Variants in AGPAT4 observed in about 807,000 individuals in gnomAD.
AGPAT4 encodes 1-acylglycerol-3-phosphate O-acyltransferase 4, also known as 1-acyl-sn-glycerol-3-phosphate acyltransferase delta.
Under a neutral mutation model 48.0 loss-of-function variants are expected in AGPAT4, and 15 were observed. The ratio of observed to expected loss-of-function variants is 0.31; its 90% CI spans 0.21 to 0.48. The LOEUF (loss-of-function observed/expected upper bound fraction) is 0.48, where lower values mean the gene tolerates loss of function less well. Ranked by LOEUF, AGPAT4 falls within the 20% of genes least tolerant of loss-of-function variation. The pLI, the probability that AGPAT4 is intolerant of heterozygous loss-of-function variation, is 0.99. For missense variants in AGPAT4, 314 were observed against 482.5 expected (o/e 0.65, Z 3.27); for synonymous variants, 178 against 198.7 (o/e 0.90, Z 0.88).
At chr6:161,263,342 T>G (rs545373154) in intron 1 of AGPAT4, among the ~76,000 whole-genome samples, 49 of 152,094 alleles carry the variant, frequency 3.2e-4, no homozygotes, top group African/African-American at 7.7e-4. Context: ...ATACAAAAAA[T>G]TAGCTGGGTG....
At position 161,261,369 on chromosome 6, in the gene AGPAT4, G is replaced by A. The variant is rs1310640699; in HGVS notation, c.-90+12569C>T. ...TTCGTGTGTATATCTGCCATCCCACGAAGCAGGCTTCCTCAGGAGCTGAGT... is the reference window on the plus strand; with the variant it reads ...TTCGTGTGTATATCTGCCATCCCACAAAGCAGGCTTCCTCAGGAGCTGAGT... On this transcript the variant is annotated intron_variant, in intron 1 of 8. Transcript: ENST00000320285. This position sits in a 1 kb window ranked among gnomAD's most constrained non-coding sequence, Gnocchi z 5.3. 6.6e-6 allele frequency among the ~76,000 whole-genome samples: 1 copy of A among 152,192 alleles called. No individual in the cohort carries two copies. Among genetic ancestry groups the A allele is most frequent in the East Asian group, 1.9e-4 (1 of 5,186 alleles).
intron 2 of AGPAT4, among the ~76,000 whole-genome samples, chr6:161,192,800 T>G (rs1280460366): frequency 2.6e-5 from 4 of 152,238 alleles, no homozygotes; most frequent in Non-Finnish European, 5.9e-5. Flanking sequence ...AGACTAGAAC[T>G]TCTTTTTCTT....
In AGPAT4 at chr6:161,200,469, C is replaced by A. The variant is rs1781210352; in HGVS notation, c.178+31567G>T. The stretch of plus-strand genomic sequence containing the variant: ...TCCTAATTATCTATGAGAAGGCCTG[C>A]ACTCTCTGGCTTCTTCCATTTCCAC... On this transcript the variant is annotated intron_variant, in intron 2 of 8. Transcript: ENST00000320285. This position sits in a 1 kb window ranked among gnomAD's most constrained non-coding sequence, Gnocchi z 5.5. 6.6e-6 allele frequency among the ~76,000 whole-genome samples: 1 copy of A among 152,190 alleles called. No individual in the cohort carries two copies. Among genetic ancestry groups the A allele is most frequent in the Non-Finnish European group, 1.5e-5 (1 of 68,028 alleles).
At position 161,165,546 on chromosome 6, in the gene AGPAT4, C is replaced by T; in HGVS notation, c.348+702G>A. On this transcript the variant is annotated intron_variant, in intron 3 of 8. Coordinates refer to ENST00000320285, the MANE Select transcript of AGPAT4 (RefSeq NM_020133.3). The surrounding 1 kb of genome is among the most constrained non-coding windows in gnomAD (Gnocchi z 5.5). ...CCTTTCCTAGCCCCAGACCAATGTACACTGTGTACACTGTGATTCCTACGG... is the reference window on the plus strand; with the variant it reads ...CCTTTCCTAGCCCCAGACCAATGTATACTGTGTACACTGTGATTCCTACGG... 1 of 1,256,570 alleles carries T rather than the reference C, an allele frequency of 8.0e-7. No homozygotes were observed. The highest frequency in any genetic ancestry group is 1.0e-6 in the Non-Finnish European group (1 of 967,172). 77.8% of individuals were successfully genotyped at this position (1,256,570 alleles called of 1,614,324 possible).
At chr6:161,182,027 G>A (rs1780612574) in intron 2 of AGPAT4, among the ~76,000 whole-genome samples, 1 of 152,120 alleles carries the variant, frequency 6.6e-6, no homozygotes, top group South Asian at 2.1e-4. Context: ...AGGTTCCTTA[G>A]AGGGGAAATG....
chr6:161,146,588 A>C lies in AGPAT4; in HGVS notation c.779T>G (p.Leu260Arg). 3 of 1,614,148 alleles carry C rather than the reference A, an allele frequency of 1.9e-6. No individual in the cohort carries two copies. Among genetic ancestry groups the C allele is most frequent in the Non-Finnish European group, 2.5e-6 (3 of 1,180,016 alleles). Residue 260 changes from leucine to arginine, a missense_variant, in exon 7 of 9, where the codon CTG becomes CGG. Transcript: ENST00000320285. The surrounding 1 kb of genome is among the most constrained non-coding windows in gnomAD (Gnocchi z 7.1). ...GTCATCGTCTTCAGGGATGTCTTCCAGTGGGATCCTCCTGCAAAGGCAGAG... is the reference window on the plus strand; with the variant it reads ...GTCATCGTCTTCAGGGATGTCTTCCCGTGGGATCCTCCTGCAAAGGCAGAG... ...HADLYVRRIPLEDIPEDDDEC... is the reference protein window; with the variant it reads ...HADLYVRRIPREDIPEDDDEC...
In AGPAT4 at chr6:161,196,268, G is replaced by A. The variant is rs1055831950; in HGVS notation, c.179-29851C>T. 3.3e-5 allele frequency among the ~76,000 whole-genome samples: 5 copies of A among 152,138 alleles called. No homozygotes were observed. Among genetic ancestry groups the A allele is most frequent in the South Asian group, 2.1e-4 (1 of 4,822 alleles). On this transcript the variant is annotated intron_variant, in intron 2 of 8. Transcript: ENST00000320285. This position sits in a 1 kb window ranked among gnomAD's most constrained non-coding sequence, Gnocchi z 4.3. ...CCAGGAACTGGAGAGGCTAGGGGCT[G>A]GAGGGAAATCTGCAGAAAAGGTGTC... is the stretch of plus-strand genomic sequence containing the variant.
At chr6:161,193,956 A>C (rs761444209) in intron 2 of AGPAT4, among the ~76,000 whole-genome samples, 1 of 152,204 alleles carries the variant, frequency 6.6e-6, no homozygotes. Context: ...TGCTGAAGGT[A>C]CTTTACTTTT....
In AGPAT4 at chr6:161,142,438, G is replaced by A. The variant is rs1779284258; in HGVS notation, c.844-2818C>T. ...TAGTATAAAGTTGGAACTGGGAAAT[G>A]TAGTTATTGAATGAAGGAGAGTTGG... On this transcript the variant is annotated intron_variant, in intron 7 of 8. Transcript: ENST00000320285. This position sits in a 1 kb window ranked among gnomAD's most constrained non-coding sequence, Gnocchi z 6.4. Among the ~76,000 whole-genome samples, 1 of 152,208 alleles carries A rather than the reference G, an allele frequency of 6.6e-6. No individual in the cohort carries two copies. The highest frequency in any genetic ancestry group is 1.5e-5 in the Non-Finnish European group (1 of 68,040).
chr6:161,225,017 C>T lies in AGPAT4; in HGVS notation c.178+7019G>A, dbSNP rs62435551. ...CCTGACTCATTCCAATTACGTGCTTCACCCTGACTCCTTCCAACTACCTGC... is the reference window on the plus strand; with the variant it reads ...CCTGACTCATTCCAATTACGTGCTTTACCCTGACTCCTTCCAACTACCTGC... On this transcript the variant is annotated intron_variant, in intron 2 of 8. Coordinates refer to ENST00000320285, the MANE Select transcript of AGPAT4 (RefSeq NM_020133.3). The surrounding 1 kb of genome is among the most constrained non-coding windows in gnomAD (Gnocchi z 5.0). Among the ~76,000 whole-genome samples, 6,433 of 151,908 alleles carry T rather than the reference C, an allele frequency of 0.042. 287 individuals carry two copies. The highest frequency in any genetic ancestry group is 0.23 in the East Asian group (1,180 of 5,160).
intron 1 of AGPAT4, among the ~76,000 whole-genome samples, chr6:161,269,129 G>T (rs1562365175): frequency 6.6e-6 from 1 of 152,160 alleles, no homozygotes; most frequent in Non-Finnish European, 1.5e-5. Context: ...GTCGATGTGG[G>T]GGGAGCTGTT....
rs543202347 is a variant in AGPAT4, at chr6:161,236,702, G to A, written c.-89-4400C>T. Among the ~76,000 whole-genome samples, 148 of 150,728 alleles carry A rather than the reference G, an allele frequency of 9.8e-4. 1 individual carries two copies. Among genetic ancestry groups the A allele is most frequent in the African/African-American group, 3.4e-3 (139 of 41,008 alleles). On this transcript the variant is annotated intron_variant, in intron 1 of 8. Transcript: ENST00000320285. This position sits in a 1 kb window ranked among gnomAD's most constrained non-coding sequence, Gnocchi z 5.0. Reference sequence around the variant, plus strand: ...GTGGATCACTTGAGGTCAGGAGTTCGAAACCAGCCTGGTGAAACCCCATCT... The same window carrying A: ...GTGGATCACTTGAGGTCAGGAGTTCAAAACCAGCCTGGTGAAACCCCATCT...
Position 161,198,474 on chromosome 6 carries a change from G to A in AGPAT4, c.179-32057C>T, listed in dbSNP as rs1040663733. 1.3e-5 allele frequency among the ~76,000 whole-genome samples: 2 copies of A among 152,246 alleles called. No homozygotes were observed. Among genetic ancestry groups the A allele is most frequent in the Non-Finnish European group, 2.9e-5 (2 of 68,044 alleles). ...ATGACAAAGAATGATCCAGTCCCAA[G>A]TGTCAACACAGCTGAGGTTGAGAAA... On this transcript the variant is annotated intron_variant, in intron 2 of 8. Coordinates refer to ENST00000320285, the MANE Select transcript of AGPAT4 (RefSeq NM_020133.3). This position sits in a 1 kb window ranked among gnomAD's most constrained non-coding sequence, Gnocchi z 4.3.
At position 161,206,369 on chromosome 6, in the gene AGPAT4, C is replaced by G. The variant is rs1781379125; in HGVS notation, c.178+25667G>C. ...TCCTCAACACAATAAAGCACTCCCT[C>G]CCCTCCCAGCCAGCACACCATCCTG... On this transcript the variant is annotated intron_variant, in intron 2 of 8. Coordinates refer to ENST00000320285, the MANE Select transcript of AGPAT4 (RefSeq NM_020133.3). The surrounding 1 kb of genome is among the most constrained non-coding windows in gnomAD (Gnocchi z 4.8). Among the ~76,000 whole-genome samples, 1 of 152,134 alleles carries G rather than the reference C, an allele frequency of 6.6e-6. No homozygotes were observed.
intron 2 of AGPAT4, among the ~76,000 whole-genome samples, chr6:161,181,530 C>A (rs1254859775): frequency 6.6e-6 from 1 of 150,398 alleles, no homozygotes; most frequent in African/African-American, 2.4e-5. Context: ...TTCCTAACTG[C>A]CCAACACTAA....
At position 161,130,370 on chromosome 6, in the gene AGPAT4, G is replaced by A. The variant is rs1778863096; in HGVS notation, c.*6170C>T. Reference sequence around the variant, plus strand: ...CCATTACTGCTTGCTTTTATGTACTGAAAAGTCATCCATTGAATGGTCTGT... The same window carrying A: ...CCATTACTGCTTGCTTTTATGTACTAAAAAGTCATCCATTGAATGGTCTGT... On this transcript the variant is annotated 3_prime_UTR_variant, in exon 9 of 9. Transcript: ENST00000320285. The A allele has an allele frequency of 6.5e-6, 1 of 154,766 alleles. No individual in the cohort carries two copies. The highest frequency in any genetic ancestry group is 6.3e-5 in the Admixed American group (1 of 15,894). 9.6% of individuals were successfully genotyped at this position (154,766 alleles called of 1,614,324 possible). A position where few individuals can be genotyped will look rare whatever the true frequency, so the allele number is the denominator to read the frequency against.
rs564209583 is a variant in AGPAT4 at position 161,146,431 on chromosome 6, C to T, written c.843+93G>A. 27 of 1,220,128 alleles carry T rather than the reference C, an allele frequency of 2.2e-5. No individual in the cohort carries two copies. Among genetic ancestry groups the T allele is most frequent in the Non-Finnish European group, 3.2e-5 (27 of 850,562 alleles). The allele number at this position is 1,220,128 out of a possible 1,614,324, so 75.6% of individuals were successfully genotyped here. A position where few individuals can be genotyped will look rare whatever the true frequency, so the allele number is the denominator to read the frequency against. ...TAATAACTGGCTCTGTGAGATCTCG[C>T]CCACCGGAGAAAGGCCTGCTACCAC... is the stretch of plus-strand genomic sequence containing the variant. On this transcript the variant is annotated intron_variant, in intron 7 of 8. Transcript: ENST00000320285. The surrounding 1 kb of genome is among the most constrained non-coding windows in gnomAD (Gnocchi z 7.1).
In AGPAT4 at chr6:161,130,157, G is replaced by C. The variant is rs191722223; in HGVS notation, c.*6383C>G. ...ATGACAGCCCATATATCAGTTCTCTGTTTCACATTAAAAAGTTACCATTCA... is the reference window on the plus strand; with the variant it reads ...ATGACAGCCCATATATCAGTTCTCTCTTTCACATTAAAAAGTTACCATTCA... On this transcript the variant is annotated 3_prime_UTR_variant, in exon 9 of 9. Transcript: ENST00000320285. 6.6e-6 allele frequency: 1 copy of C among 152,274 alleles called. No individual in the cohort carries two copies. Among genetic ancestry groups the C allele is most frequent in the Non-Finnish European group, 1.5e-5 (1 of 68,046 alleles). The allele number at this position is 152,274 out of a possible 1,614,324, so 9.4% of individuals were successfully genotyped here.
In AGPAT4 at chr6:161,146,471, C is replaced by T. The variant is rs756197557; in HGVS notation, c.843+53G>A. 6.7e-5 allele frequency: 105 copies of T among 1,573,980 alleles called. No individual in the cohort carries two copies. The highest frequency in any genetic ancestry group is 8.4e-5 in the Non-Finnish European group (96 of 1,147,910). On this transcript the variant is annotated intron_variant, in intron 7 of 8. Transcript: ENST00000320285. The surrounding 1 kb of genome is among the most constrained non-coding windows in gnomAD (Gnocchi z 7.1). ...CCTGCTACCACACAACACAGCCACA[C>T]GGCGCACCCACAGCTGCAACGTGAA...
Sources: gnomAD v4.1 joint callset for allele counts (sites outside exome capture counted in the v4.1 genomes callset) on GRCh38, gnomAD v4.1.1 for gene constraint, Gnocchi (gnomAD v3.1) non-coding constraint, MANE v1.5 for transcripts, NCBI Gene and HGNC (gene_info 2026-07-23, HGNC 2026-07-21) for gene names.